The following ALK variants were observed in gnomAD, a reference collection of about 807,000 sequenced individuals.
The protein encoded by ALK is ALK tyrosine kinase receptor.
ALK carries 74 observed loss-of-function variants against 163.1 expected under a neutral mutation model. The observed-to-expected ratio is 0.45, with a 90% CI of 0.38 to 0.55. The LOEUF is 0.55. Among genes scored for constraint, ALK ranks in the 20% least tolerant of loss-of-function variants. ALK has a pLI of 0.00. For synonymous variants in ALK, 960 were observed against 843.2 expected, an observed-to-expected ratio of 1.14 and a Z score of -2.40; for missense variants, 2,063 against 2,105.3, an observed-to-expected ratio of 0.98 and a Z score of 0.39.
chr2:29,538,529 C>T (rs923669514), intron 3 of ALK, among the ~76,000 whole-genome samples: 49 of 152,160 alleles, frequency 3.2e-4, no homozygotes, highest in African/African-American at 1.1e-3. Context: ...CATTGCCTTG[C>T]TTCCAGTACA....
chr2:29,650,428 A>G (rs1677006507), intron 3 of ALK, among the ~76,000 whole-genome samples: 1 of 152,206 alleles, frequency 6.6e-6, no homozygotes, highest in Non-Finnish European at 1.5e-5. Flanking sequence ...AGAAACTTTC[A>G]TTATGGAAAA....
At chr2:29,747,093 G>C (rs1343161194) in intron 1 of ALK, among the ~76,000 whole-genome samples, 1 of 152,158 alleles carries the variant, frequency 6.6e-6, no homozygotes, top group African/African-American at 2.4e-5. Flanking sequence ...TTTGTTGAGT[G>C]GGGGAGGTCA....
intron 1 of ALK, among the ~76,000 whole-genome samples, chr2:29,839,976 G>A (rs1201140331): frequency 6.6e-6 from 1 of 152,194 alleles, no homozygotes; most frequent in East Asian, 1.9e-4. Flanking sequence ...AATTCATAGA[G>A]GAGGAAACTC....
chr2:29,233,429 A>G (rs1664274235), intron 14 of ALK, 136 bp downstream of exon 14: 1 of 1,286,180 alleles, frequency 7.8e-7, no homozygotes, highest in South Asian at 1.2e-5. Context: ...TACAGGAATG[A>G]GCCACTGTAC....
intron 4 of ALK, among the ~76,000 whole-genome samples, chr2:29,515,525 T>C (rs1485814192): frequency 3.3e-5 from 5 of 151,638 alleles, no homozygotes; most frequent in Non-Finnish European, 7.4e-5. Flanking sequence ...GGATGAAGGG[T>C]AGGGGTGATC....
intron 11 of ALK, among the ~76,000 whole-genome samples, chr2:29,260,572 C>T (rs1665061013): frequency 6.6e-6 from 1 of 152,144 alleles, no homozygotes; most frequent in African/African-American, 2.4e-5. Flanking sequence ...TGTGGTGACT[C>T]ATGCCTGTAA....
At chr2:29,277,092 A>G (rs1353957754) in intron 9 of ALK, among the ~76,000 whole-genome samples, 1 of 152,228 alleles carries the variant, frequency 6.6e-6, no homozygotes, top group Non-Finnish European at 1.5e-5. Context: ...AGAAAACCAG[A>G]GCAGGGTGGC....
At chr2:29,677,480 T>C (rs1677919136) in intron 3 of ALK, among the ~76,000 whole-genome samples, 2 of 152,036 alleles carry the variant, frequency 1.3e-5, no homozygotes, top group Admixed American at 6.6e-5. Flanking sequence ...CATAGAGAAA[T>C]TTGATCATGA....
At chr2:29,370,705 C>T (rs1037081616) in intron 5 of ALK, among the ~76,000 whole-genome samples, 1 of 152,164 alleles carries the variant, frequency 6.6e-6, no homozygotes, top group African/African-American at 2.4e-5. Flanking sequence ...GCTGGCCCTT[C>T]CTGTTAATTA....
intron 1 of ALK, among the ~76,000 whole-genome samples, chr2:29,819,353 T>C (rs1664982287): frequency 6.6e-6 from 1 of 152,228 alleles, no homozygotes; most frequent in African/African-American, 2.4e-5. Context: ...TCACATGGAA[T>C]ACGTTACACA....
chr2:29,868,519 G>A (rs1666500249), intron 1 of ALK, among the ~76,000 whole-genome samples: 1 of 152,154 alleles, frequency 6.6e-6, no homozygotes, highest in Non-Finnish European at 1.5e-5. Context: ...GTGTGTGTAA[G>A]GTCAAATTTA....
chr2:29,894,826 T>C (rs1667227125), intron 1 of ALK, among the ~76,000 whole-genome samples: 1 of 149,180 alleles, frequency 6.7e-6, no homozygotes, highest in African/African-American at 2.5e-5. Context: ...GAGAATGTGA[T>C]GCTTCAAACA....
At chr2:29,215,394 G>A (rs553236472) in intron 23 of ALK, among the ~76,000 whole-genome samples, 15 of 152,302 alleles carry the variant, frequency 9.8e-5, no homozygotes, top group Admixed American at 5.9e-4. Flanking sequence ...TCTCTAGGCC[G>A]TGCTTCAGTT....
intron 24 of ALK, among the ~76,000 whole-genome samples, chr2:29,210,592 C>A (rs759671293): frequency 6.6e-6 from 1 of 152,116 alleles, no homozygotes; most frequent in Non-Finnish European, 1.5e-5. Context: ...AGCACCACAC[C>A]TGGCTAATTT....
chr2:29,528,765 C>A (rs7571895), intron 4 of ALK, among the ~76,000 whole-genome samples: 85,450 of 151,990 alleles, frequency 0.56, 25,459 homozygotes, highest in Non-Finnish European at 0.67. Context: ...AAGTATTATC[C>A]TATTCATTCA....
chr2:29,909,846 A>C (rs766296789), intron 1 of ALK, among the ~76,000 whole-genome samples: 1 of 152,184 alleles, frequency 6.6e-6, no homozygotes, highest in Non-Finnish European at 1.5e-5. Context: ...CCTCAAACAA[A>C]GCTTGACAAT....
rs1184727611 is a variant in ALK at position 29,920,048 on chromosome 2, C to T, written c.612G>A (p.Leu204=). The part of the protein sequence containing the change: ...KASEVGREGR[L]SAAIRASQPR... Reference sequence around the variant, plus strand: ...GCTGGGAGGCGCGAATTGCCGCGGACAGCCTTCCCTCTCTGCCCACTTCCG... The same window carrying T: ...GCTGGGAGGCGCGAATTGCCGCGGATAGCCTTCCCTCTCTGCCCACTTCCG... The change falls in exon 1 of 29, where the codon CTG becomes CTA. Residue 204 remains leucine, a synonymous_variant. Coordinates refer to ENST00000389048, the MANE Select transcript of ALK (RefSeq NM_004304.5). The T allele has an allele frequency of 3.7e-6, 6 of 1,614,080 alleles. No individual in the cohort carries two copies. The highest frequency in any genetic ancestry group is 5.1e-6 in the Non-Finnish European group (6 of 1,180,056).
chr2:29,917,999 G>T (rs1667881415), intron 1 of ALK, among the ~76,000 whole-genome samples: 1 of 152,328 alleles, frequency 6.6e-6, no homozygotes, highest in East Asian at 1.9e-4. Context: ...CTTCCCTACA[G>T]CCAATAGCAG....
intron 3 of ALK, among the ~76,000 whole-genome samples, chr2:29,571,011 G>A (rs186741274): frequency 2.0e-3 from 305 of 152,258 alleles, no homozygotes; most frequent in African/African-American, 7.1e-3. Flanking sequence ...GAAAAAGGAG[G>A]GGGAAGAAAG....
Sources: gnomAD v4.1 joint callset for allele counts (sites outside exome capture counted in the v4.1 genomes callset) on GRCh38, gnomAD v4.1.1 for gene constraint, MANE v1.5 for transcripts, NCBI Gene and HGNC (gene_info 2026-07-23, HGNC 2026-07-21) for gene names.